Variants in AGMO observed in about 807,000 individuals in gnomAD.
AGMO encodes glyceryl-ether monooxygenase.
AGMO carries 75 observed loss-of-function variants against 60.2 expected under a neutral mutation model. That is an observed-to-expected ratio of 1.25 (90% CI 1.03 to 1.51). The LOEUF is 1.51. Among genes scored for constraint, AGMO ranks in the 40% most tolerant of loss-of-function variants. The probability of loss-of-function intolerance (pLI) is 0.00; values close to 1 mark genes in which losing one functional copy is unlikely to be tolerated. For synonymous variants in AGMO, 261 were observed against 177.1 expected, an observed-to-expected ratio of 1.47 and a Z score of -3.76; for missense variants, 763 against 525.5, an observed-to-expected ratio of 1.45 and a Z score of -4.42.
intron 3 of AGMO, among the ~76,000 whole-genome samples, chr7:15,490,793 G>A (rs1783048627): frequency 6.6e-6 from 1 of 152,006 alleles, no homozygotes; most frequent in South Asian, 2.1e-4. Flanking sequence ...TAAACCTGAG[G>A]AGCAAATAGA....
intron 12 of AGMO, among the ~76,000 whole-genome samples, chr7:15,218,577 C>G (rs1249903676): frequency 7.1e-6 from 1 of 141,520 alleles, no homozygotes; most frequent in African/African-American, 2.5e-5. Context: ...TATTAACTCT[C>G]TGTAAGCTTG....
At chr7:15,297,066 T>TCA (rs35168870) in intron 12 of AGMO, among the ~76,000 whole-genome samples, 1 of 151,766 alleles carries the variant, frequency 6.6e-6, no homozygotes, top group African/African-American at 2.4e-5. Flanking sequence ...TCTCTCTCTC[T>TCA]CACACACACA....
At chr7:15,133,762 C>A in the AGMO span, among the ~76,000 whole-genome samples, 1 of 152,060 alleles carries the variant, frequency 6.6e-6, no homozygotes, top group Non-Finnish European at 1.5e-5. Context: ...CCAACATTAC[C>A]ACAACCCAGG....
At chr7:15,215,266 G>C (rs1781703834) in intron 12 of AGMO, among the ~76,000 whole-genome samples, 1 of 152,056 alleles carries the variant, frequency 6.6e-6, no homozygotes, top group South Asian at 2.1e-4. Flanking sequence ...TCACAAGGAG[G>C]AATATTAACT....
Position 15,365,380 on chromosome 7 carries a change from T to TAAAAAAAAAAAAAAAAAAAAAAAAAAAA in AGMO, c.1263+133_1263+134insTTTTTTTTTTTTTTTTTTTTTTTTTTTT, listed in dbSNP as rs60202363. ...GACACAACTAACAAGTACTGGTAAG[T>TAAAAAAAAAAAAAAAAAAAAAAAAAAAA]AAAAAAAAAAAAAAAGATCAAGATT... is the stretch of plus-strand genomic sequence containing the variant. On this transcript the variant is annotated intron_variant, in intron 12 of 12. Transcript: ENST00000342526. 6.3e-4 allele frequency: 141 copies of TAAAAAAAAAAAAAAAAAAAAAAAAAAAA among 223,884 alleles called. 5 individuals are homozygous for TAAAAAAAAAAAAAAAAAAAAAAAAAAAA. Among genetic ancestry groups the TAAAAAAAAAAAAAAAAAAAAAAAAAAAA allele is most frequent in the African/African-American group, 1.6e-3 (27 of 17,256 alleles). 13.9% of individuals were successfully genotyped at this position (223,884 alleles called of 1,614,324 possible). A position where few individuals can be genotyped will look rare whatever the true frequency, so the allele number is the denominator to read the frequency against.
chr7:15,350,070 G>T (rs913066149), intron 12 of AGMO, among the ~76,000 whole-genome samples: 3 of 152,230 alleles, frequency 2.0e-5, no homozygotes, highest in South Asian at 2.1e-4. Flanking sequence ...CACAAATCAT[G>T]AAACTGAGAA....
At chr7:15,151,806 G>C in the AGMO span, among the ~76,000 whole-genome samples, 3 of 152,126 alleles carry the variant, frequency 2.0e-5, no homozygotes, top group Non-Finnish European at 4.4e-5. Flanking sequence ...GTATTCTGCA[G>C]ATATTTGTTA....
At chr7:15,206,745 C>A (rs919523924) in intron 12 of AGMO, among the ~76,000 whole-genome samples, 2 of 152,076 alleles carry the variant, frequency 1.3e-5, no homozygotes, top group Non-Finnish European at 2.9e-5. Context: ...TACTGATACT[C>A]ATTTTCTAAC....
the AGMO span, among the ~76,000 whole-genome samples, chr7:15,153,878 T>C: frequency 6.6e-6 from 1 of 152,124 alleles, no homozygotes. Flanking sequence ...TGAAGAATAA[T>C]GGTGGTATTT....
chr7:15,213,908 G>A (rs1333489777), intron 12 of AGMO, among the ~76,000 whole-genome samples: 1 of 151,972 alleles, frequency 6.6e-6, no homozygotes, highest in African/African-American at 2.4e-5. Context: ...GGTAAATGAT[G>A]GAGTGCTTCA....
chr7:15,509,834 AG>A (rs145491794), intron 3 of AGMO, among the ~76,000 whole-genome samples: 1,888 of 152,270 alleles, frequency 0.012, 39 homozygotes, highest in African/African-American at 0.043. Context: ...ACTAATCATC[AG>A]GTAAAATCAA....
the AGMO span, among the ~76,000 whole-genome samples, chr7:15,167,917 GT>G: frequency 6.6e-6 from 1 of 152,224 alleles, no homozygotes; most frequent in South Asian, 2.1e-4. Context: ...GCAGGACACA[GT>G]GATCTTATCT....
At chr7:15,160,459 T>C in the AGMO span, among the ~76,000 whole-genome samples, 1 of 152,198 alleles carries the variant, frequency 6.6e-6, no homozygotes. Context: ...ACGAGAACTG[T>C]ATATTTGTAT....
chr7:15,342,172 TA>T (rs775057626), intron 12 of AGMO, among the ~76,000 whole-genome samples: 1,081 of 54,246 alleles, frequency 0.02, 12 homozygotes, highest in African/African-American at 0.032. Context: ...CCCACAGAGT[TA>T]AAAAAAAAAA....
intron 12 of AGMO, among the ~76,000 whole-genome samples, chr7:15,356,829 C>T (rs970310349): frequency 2.6e-5 from 4 of 151,638 alleles, no homozygotes; most frequent in East Asian, 1.9e-4. Context: ...TATTAGGGCC[C>T]GGTTGCAGTG....
the AGMO span, among the ~76,000 whole-genome samples, chr7:15,123,149 C>G: frequency 3.3e-5 from 5 of 151,954 alleles, no homozygotes; most frequent in Non-Finnish European, 7.4e-5. Flanking sequence ...TCTGCATAAT[C>G]AACTCCTTCA....
chr7:15,430,685 T>A (rs1190939574), intron 4 of AGMO, among the ~76,000 whole-genome samples: 1 of 151,272 alleles, frequency 6.6e-6, no homozygotes, highest in African/African-American at 2.4e-5. Flanking sequence ...TTACATATAT[T>A]TAAATGGAGA....
chr7:15,334,709 G>A (rs773782050), intron 12 of AGMO, among the ~76,000 whole-genome samples: 37 of 152,268 alleles, frequency 2.4e-4, no homozygotes, highest in Non-Finnish European at 4.1e-4. Context: ...TAATTGCTAA[G>A]TTACATGCAA....
intron 9 of AGMO, among the ~76,000 whole-genome samples, chr7:15,386,084 G>C (rs781221735): frequency 6.6e-6 from 1 of 152,070 alleles, no homozygotes. Context: ...AGGAGGCTGA[G>C]GCAGAAGAAC....
Sources: allele counts gnomAD v4.1 joint callset (sites outside exome capture counted in the v4.1 genomes callset), GRCh38; gene constraint gnomAD v4.1.1; transcripts MANE v1.5; gene names NCBI Gene and HGNC (gene_info 2026-07-23, HGNC 2026-07-21).